Variants in IDO1 observed in about 807,000 individuals in gnomAD.
IDO1 encodes indoleamine 2,3-dioxygenase 1.
In IDO1, 35 loss-of-function variants were observed where a neutral mutation model predicts 38.8. The ratio of observed to expected loss-of-function variants is 0.90; its 90% confidence interval spans 0.69 to 1.20. IDO1 has a LOEUF of 1.20. Among genes scored for constraint, IDO1 ranks in the 50% most tolerant of loss-of-function variants. The pLI is 0.00. For missense variants in IDO1, 509 were observed against 485.1 expected, an observed-to-expected ratio of 1.05 and a Z score of -0.46; for synonymous variants, 171 against 170.0, an observed-to-expected ratio of 1.01 and a Z score of -0.05.
chr8:39,917,964 T>G lies in IDO1; in HGVS notation c.177T>G (p.Val59=), dbSNP rs1807202217. 1 of 1,612,696 alleles carries G rather than the reference T, an allele frequency of 6.2e-7. No individual in the cohort carries two copies. Among genetic ancestry groups the G allele is most frequent in the Non-Finnish European group, 8.5e-7 (1 of 1,178,886 alleles). ...LIESGQLRER[V]EKLNMLSIDH... Reference sequence around the variant, plus strand: ...AGTCTGGCCAGCTTCGAGAAAGAGTTGAGAAGGTTTGACATATGTATTACA... The same window carrying G: ...AGTCTGGCCAGCTTCGAGAAAGAGTGGAGAAGGTTTGACATATGTATTACA... The change falls in exon 2 of 10, where the codon GTT becomes GTG. Residue 59 remains valine, a synonymous_variant. Coordinates refer to ENST00000518237, the MANE Select transcript of IDO1 (RefSeq NM_002164.6).
chr8:39,928,101 C>T lies in IDO1; in HGVS notation c.1128C>T (p.Ala376=). The T allele has an allele frequency of 6.2e-7, 1 of 1,613,486 alleles. No individual in the cohort carries two copies. Among genetic ancestry groups the T allele is most frequent in the Non-Finnish European group, 8.5e-7 (1 of 1,179,716 alleles). Residue 376 remains alanine, a synonymous_variant, in exon 10 of 10, where the codon GCC becomes GCT. Transcript: ENST00000518237. ...KTSEDPSKLE[A]KGTGGTDLMN... ...CTGAAGACCCTTCAAAACTGGAAGC[C>T]AAAGGAACTGGAGGCACTGATTTAA... is the stretch of plus-strand genomic sequence containing the variant.
rs1368309661 is a variant in IDO1, at chr8:39,918,949, T to C, written c.422+16T>C. The C allele has an allele frequency of 1.4e-6, 2 of 1,400,786 alleles. No homozygotes were observed. Among genetic ancestry groups the C allele is most frequent in the Admixed American group, 3.3e-5 (2 of 59,718 alleles). The allele number at this position is 1,400,786 out of a possible 1,614,324, so 86.8% of individuals were successfully genotyped here. ...ATCCTAATAAGTATGTAAACAGTGA[T>C]AACAACAGGAATTTTTGGAGTGTGT... On this transcript the variant is annotated intron_variant, in intron 4 of 9. Coordinates refer to ENST00000518237, the MANE Select transcript of IDO1 (RefSeq NM_002164.6).
chr8:39,924,992 A>T (rs1807337952), intron 8 of IDO1, among the ~76,000 whole-genome samples: 1 of 152,206 alleles, frequency 6.6e-6, no homozygotes, highest in Admixed American at 6.5e-5. Flanking sequence ...GGTCTGTGCT[A>T]GTACAAAGGT....
chr8:39,923,923 G>GT (rs1292012480), intron 7 of IDO1: 9 of 161,124 alleles, frequency 5.6e-5, no homozygotes, highest in African/African-American at 1.7e-4. Context: ...GTGGTTTTAA[G>GT]TCCCGAAAAA....
Position 39,928,281 on chromosome 8 carries a change from AAT to A in IDO1, c.*97_*98del. ...ACAGAGCCACAAACTAATACTATGC[AAT>A]GTTTTACCAATAATGCAATACAAAA... is the stretch of plus-strand genomic sequence containing the variant. On this transcript the variant is annotated 3_prime_UTR_variant, in exon 10 of 10. Transcript: ENST00000518237. 1.2e-6 allele frequency: 1 copy of A among 821,152 alleles called. No individual in the cohort carries two copies. The highest frequency in any genetic ancestry group is 1.9e-6 in the Non-Finnish European group (1 of 531,998). 50.9% of individuals were successfully genotyped at this position (821,152 alleles called of 1,614,324 possible).
Position 39,913,894 on chromosome 8 carries a change from G to A in IDO1, c.-29G>A. On this transcript the variant is annotated 5_prime_UTR_variant, in exon 1 of 10. Coordinates refer to ENST00000518237, the MANE Select transcript of IDO1 (RefSeq NM_002164.6). Reference sequence around the variant, plus strand: ...ATGCTCTGAAAACTCTTCAGACACTGAGGGGCACCAGAGGAGCAGACTACA... The same window carrying A: ...ATGCTCTGAAAACTCTTCAGACACTAAGGGGCACCAGAGGAGCAGACTACA... 2 of 1,501,208 alleles carry A rather than the reference G, an allele frequency of 1.3e-6. No homozygotes were observed. Among genetic ancestry groups the A allele is most frequent in the Non-Finnish European group, 1.8e-6 (2 of 1,101,596 alleles). 93.0% of individuals were successfully genotyped at this position (1,501,208 alleles called of 1,614,324 possible).
intron 1 of IDO1, among the ~76,000 whole-genome samples, chr8:39,914,540 C>G (rs951142977): frequency 7.9e-5 from 12 of 152,278 alleles, no homozygotes; most frequent in Middle Eastern, 3.4e-3. Flanking sequence ...AGAGTCTGAA[C>G]TACCTTTTTT....
At chr8:39,920,064 C>T (rs765419953) in intron 4 of IDO1, 36 bp from the exon 5 acceptor site, 1 of 1,600,400 alleles carries the variant, frequency 6.2e-7, no homozygotes, top group Non-Finnish European at 8.6e-7. Flanking sequence ...TTTCTCTCTT[C>T]CAATTGGTCC....
chr8:39,917,870 TCAA>T lies in IDO1; in HGVS notation c.88-4_88-2del. 2 of 1,577,292 alleles carry T rather than the reference TCAA, an allele frequency of 1.3e-6. No individual in the cohort carries two copies. Among genetic ancestry groups the T allele is most frequent in the South Asian group, 1.1e-5 (1 of 88,862 alleles). On this transcript the variant is annotated splice_acceptor_variant and splice_polypyrimidine_tract_variant and intron_variant, in intron 1 of 9. Transcript: ENST00000518237. LOFTEE classifies it high-confidence loss of function. The stretch of plus-strand genomic sequence containing the variant: ...ACTAAATAAAGATCTTTTTTTTTTT[TCAA>T]GGAAAATCTACCTGATTTTTATAAT...
chr8:39,915,409 G>A (rs141658285), intron 1 of IDO1, among the ~76,000 whole-genome samples: 3 of 152,258 alleles, frequency 2.0e-5, no homozygotes, highest in African/African-American at 7.2e-5. Flanking sequence ...TTTAAACACA[G>A]CAAATGTTTA....
At chr8:39,925,521 C>T (rs1245484603) in intron 9 of IDO1, 150 bp downstream of exon 9, 1 of 791,398 alleles carries the variant, frequency 1.3e-6, no homozygotes, top group South Asian at 2.4e-5. Flanking sequence ...TGCCATGATC[C>T]CATTTTAAAA....
At chr8:39,925,151 A>G in intron 8 of IDO1, 72 bp from the exon 9 acceptor site, 1 of 1,407,222 alleles carries the variant, frequency 7.1e-7, no homozygotes, top group South Asian at 1.5e-5. Context: ...CACTAGTGCA[A>G]GATTTGGTAC....
intron 1 of IDO1, among the ~76,000 whole-genome samples, chr8:39,914,700 C>A (rs148014178): frequency 4.6e-5 from 7 of 152,230 alleles, no homozygotes; most frequent in African/African-American, 7.2e-5. Context: ...TTTTTCTAAG[C>A]AATTTACAAA....
intron 3 of IDO1, chr8:39,918,433 C>G (rs1423483612): frequency 2.0e-5 from 11 of 538,910 alleles, no homozygotes; most frequent in Non-Finnish European, 3.3e-5. Flanking sequence ...ATCTGGCAAC[C>G]CTAATTACAT....
chr8:39,922,015 T>G (rs1807280143), intron 5 of IDO1, among the ~76,000 whole-genome samples: 1 of 152,210 alleles, frequency 6.6e-6, no homozygotes, highest in South Asian at 2.1e-4. Flanking sequence ...TTTATTTGTT[T>G]TCTGAGACGA....
At chr8:39,915,095 C>T (rs1397793703) in intron 1 of IDO1, among the ~76,000 whole-genome samples, 1 of 152,074 alleles carries the variant, frequency 6.6e-6, no homozygotes, top group African/African-American at 2.4e-5. Flanking sequence ...CCTCATGTTC[C>T]TAATGAGAAG....
chr8:39,922,374 T>C (rs1807286768), intron 5 of IDO1, among the ~76,000 whole-genome samples, 178 bp from the exon 6 acceptor site: 2 of 152,168 alleles, frequency 1.3e-5, no homozygotes, highest in Non-Finnish European at 2.9e-5. Flanking sequence ...TTATATGATC[T>C]TGGACAATGG....
Position 39,917,859 on chromosome 8 carries a change from T to TC in IDO1, c.88-16_88-15insC, listed in dbSNP as rs1807197694. ...TAACTGCTACTACTAAATAAAGATC[T>TC]TTTTTTTTTTTCAAGGAAAATCTAC... On this transcript the variant is annotated splice_polypyrimidine_tract_variant and intron_variant, in intron 1 of 9. Transcript: ENST00000518237. 8.5e-6 allele frequency: 5 copies of TC among 586,614 alleles called. No homozygotes were observed. Among genetic ancestry groups the TC allele is most frequent in the Admixed American group, 3.6e-5 (1 of 27,664 alleles). The allele number at this position is 586,614 out of a possible 1,614,324, so 36.3% of individuals were successfully genotyped here.
chr8:39,917,790 A>G, intron 1 of IDO1, 85 bp from the exon 2 acceptor site: 1 of 818,586 alleles, frequency 1.2e-6, no homozygotes, highest in Non-Finnish European at 2.0e-6. Flanking sequence ...CACAGAATGG[A>G]TGTGAAGGCA....
Sources: gnomAD v4.1 joint callset for allele counts (sites outside exome capture counted in the v4.1 genomes callset) on GRCh38, gnomAD v4.1.1 for gene constraint, MANE v1.5 for transcripts, NCBI Gene and HGNC (gene_info 2026-07-23, HGNC 2026-07-21) for gene names.